Variants in ZNF705G observed in about 807,000 individuals in gnomAD.
ZNF705G encodes zinc finger protein 705G.
Under a neutral mutation model 19.6 loss-of-function variants are expected in ZNF705G, and 23 were observed. The observed-to-expected ratio is 1.17, with a 90% CI of 0.84 to 1.66. The LOEUF (loss-of-function observed/expected upper bound fraction) is 1.66, where lower values mean the gene tolerates loss of function less well. Among genes scored for constraint, ZNF705G ranks in the 40% most tolerant of loss-of-function variants. The pLI is 0.00. For missense variants in ZNF705G, 457 were observed against 354.4 expected (o/e 1.29, Z -2.32); for synonymous variants, 146 against 117.7 (o/e 1.24, Z -1.56).
intron 2 of ZNF705G, among the ~76,000 whole-genome samples, chr8:7,364,683 C>T (rs1473395322): frequency 3.3e-5 from 5 of 149,638 alleles, no homozygotes; most frequent in Non-Finnish European, 7.4e-5. Flanking sequence ...ATTTTTACTG[C>T]CACATTTAAT....
rs544609270 is a variant in ZNF705G at position 7,382,205 on chromosome 8, G to A, written c.-221-604C>T. Among the ~76,000 whole-genome samples, 19 of 150,412 alleles carry A rather than the reference G, an allele frequency of 1.3e-4. No homozygotes were observed. The East Asian group carries it at 2.1e-3, about 17-fold the overall frequency. On this transcript the variant is annotated intron_variant, in intron 1 of 6. Coordinates refer to ENST00000400156, the MANE Select transcript of ZNF705G (RefSeq NM_001164457.3). ...TAAAAAGAAGAAGAACAACAACAAC[G>A]ACAACAATTCATCTAGAGAGAAAAA...
intron 2 of ZNF705G, among the ~76,000 whole-genome samples, chr8:7,380,793 G>T (rs1224515575): frequency 6.9e-5 from 10 of 145,750 alleles, no homozygotes; most frequent in Admixed American, 1.3e-4. Context: ...GCTGAGGGGG[G>T]CAGATCACCC....
chr8:7,363,194 ATGAC>A (rs1159139447), intron 2 of ZNF705G, among the ~76,000 whole-genome samples, 177 bp from the exon 3 acceptor site: 1 of 149,186 alleles, frequency 6.7e-6, no homozygotes, highest in Non-Finnish European at 1.5e-5. Flanking sequence ...TAAGAAGCCT[ATGAC>A]TATGGTTGCT....
chr8:7,370,773 T>C (rs1285540849), intron 2 of ZNF705G, among the ~76,000 whole-genome samples: 1 of 121,670 alleles, frequency 8.2e-6, no homozygotes, highest in Non-Finnish European at 1.7e-5. Context: ...CATATGTTCA[T>C]TGCAGCACTA....
At chr8:7,364,612 G>A (rs1452597389) in intron 2 of ZNF705G, among the ~76,000 whole-genome samples, 5 of 149,480 alleles carry the variant, frequency 3.3e-5, no homozygotes, top group South Asian at 2.1e-4. Context: ...CCTAACCAAC[G>A]TTCTCTATGA....
intron 2 of ZNF705G, among the ~76,000 whole-genome samples, chr8:7,367,489 G>C (rs936204351): frequency 4.0e-5 from 6 of 149,440 alleles, no homozygotes; most frequent in Admixed American, 2.0e-4. Context: ...GAAAAGGAAA[G>C]AAAGCTTCAG....
chr8:7,367,128 G>A (rs1187966850), intron 2 of ZNF705G, among the ~76,000 whole-genome samples: 2 of 149,474 alleles, frequency 1.3e-5, no homozygotes, highest in South Asian at 2.1e-4. Context: ...ATGAGAATGT[G>A]AAGTAACAAT....
intron 2 of ZNF705G, among the ~76,000 whole-genome samples, chr8:7,367,084 A>G (rs1195256667): frequency 6.7e-6 from 1 of 149,782 alleles, no homozygotes; most frequent in Non-Finnish European, 1.5e-5. Context: ...TCAAAACAAA[A>G]ATGGAAAAGG....
Position 7,358,313 on chromosome 8 carries a change from C to G in ZNF705G, c.566G>C (p.Arg189Pro), listed in dbSNP as rs368734373. The G allele has an allele frequency of 1.2e-3, 1,914 of 1,607,250 alleles. 2 individuals are homozygous for G. In the Middle Eastern group the frequency reaches 0.013, roughly 11 times the overall value. ...CTCTCCAGTGTGAGTCATCTTGTGC[C>G]GTCTAAGGTGAAAGCAATTAGTATA... Reference protein sequence around the residue: ...KAYTNCFHLRRHKMTHTGERP... With the variant: ...KAYTNCFHLRPHKMTHTGERP... Residue 189 changes from arginine (R) to proline (P), a missense_variant, in exon 7 of 7, where the codon CGG becomes CCG. Physicochemically the swap from Arg to Pro is moderately radical, Grantham distance 103. Transcript: ENST00000400156.
chr8:7,376,717 A>G (rs1250775341), intron 2 of ZNF705G, among the ~76,000 whole-genome samples: 2 of 150,256 alleles, frequency 1.3e-5, no homozygotes, highest in Non-Finnish European at 2.9e-5. Flanking sequence ...TCAGGGTGTA[A>G]CAAGTAATGG....
intron 1 of ZNF705G, among the ~76,000 whole-genome samples, chr8:7,383,119 T>C (rs1807573785): frequency 1.4e-5 from 2 of 141,422 alleles, no homozygotes; most frequent in African/African-American, 2.9e-5. Context: ...TTGAGTTCAA[T>C]GTTTGATTTT....
rs201738309 is a variant in ZNF705G at position 7,370,054 on chromosome 8, A to T, written c.-71-7037T>A. On this transcript the variant is annotated intron_variant, in intron 2 of 6. Transcript: ENST00000400156. ...TAAAATAAAAGTTGAATTTTTTTTT[A>T]AAATGGGCAAAGATCTGGCTAACAC... is the stretch of plus-strand genomic sequence containing the variant. Among the ~76,000 whole-genome samples the T allele has an allele frequency of 5.2e-4, 69 of 133,026 alleles. 1 individual carries two copies. The highest frequency in any genetic ancestry group is 3.9e-3 in the Middle Eastern group (1 of 256). 87.3% of individuals were successfully genotyped at this position (133,026 alleles called of 152,430 possible). A position where few individuals can be genotyped will look rare whatever the true frequency, so the allele number is the denominator to read the frequency against.
At position 7,375,372 on chromosome 8, in the gene ZNF705G, G is replaced by A. The variant is rs1182997976; in HGVS notation, c.-72+6080C>T. 3.2e-5 allele frequency among the ~76,000 whole-genome samples: 3 copies of A among 93,236 alleles called. 1 individual carries two copies. Among genetic ancestry groups the A allele is most frequent in the African/African-American group, 5.0e-5 (1 of 20,030 alleles). The allele number at this position is 93,236 out of a possible 152,430, so 61.2% of individuals were successfully genotyped here. A position where few individuals can be genotyped will look rare whatever the true frequency, so the allele number is the denominator to read the frequency against. ...AAGGACACAATTTTGTTCTTTTTAT[G>A]GATGCATAGTATTCCGTGACATATA... On this transcript the variant is annotated intron_variant, in intron 2 of 6. Coordinates refer to ENST00000400156, the MANE Select transcript of ZNF705G (RefSeq NM_001164457.3).
Position 7,358,268 on chromosome 8 carries a change from A to C in ZNF705G, c.611T>G (p.Leu204Arg), listed in dbSNP as rs758069778. The C allele has an allele frequency of 6.2e-7, 1 of 1,607,570 alleles. No individual in the cohort carries two copies. The highest frequency in any genetic ancestry group is 1.4e-5 in the African/African-American group (1 of 71,238). Reference sequence around the variant, plus strand: ...ACACTGAGTGAAGGCTTTTCTACATAGATGACATGCATATGGCCTCTCTCC... The same window carrying C: ...ACACTGAGTGAAGGCTTTTCTACATCGATGACATGCATATGGCCTCTCTCC... ...HTGERPYACHLCRKAFTQCSH... is the reference protein window; with the variant it reads ...HTGERPYACHRCRKAFTQCSH... Residue 204 changes from leucine to arginine, a missense_variant, in exon 7 of 7, where the codon CTA becomes CGA. By Grantham distance (102) the Leu-to-Arg change is moderately radical. Coordinates refer to ENST00000400156, the MANE Select transcript of ZNF705G (RefSeq NM_001164457.3).
At chr8:7,358,661 C>A in intron 6 of ZNF705G, 101 bp from the exon 7 acceptor site, 1 of 1,535,362 alleles carries the variant, frequency 6.5e-7, no homozygotes. Flanking sequence ...AGTGGTAGAC[C>A]CCAGTTGAAA....
At chr8:7,365,161 G>A (rs1443283981) in intron 2 of ZNF705G, among the ~76,000 whole-genome samples, 5 of 149,528 alleles carry the variant, frequency 3.3e-5, no homozygotes, top group Admixed American at 2.6e-4. Context: ...ATTTCAAGAT[G>A]TAGAGATTAA....
chr8:7,370,331 G>A (rs1446317247), intron 2 of ZNF705G, among the ~76,000 whole-genome samples: 6 of 147,992 alleles, frequency 4.1e-5, no homozygotes, highest in Non-Finnish European at 8.8e-5. Context: ...GATACAAATG[G>A]CCAACAAATA....
Position 7,358,172 on chromosome 8 carries a change from A to C in ZNF705G, c.707T>G (p.Val236Gly). 6.2e-7 allele frequency: 1 copy of C among 1,605,376 alleles called. No individual in the cohort carries two copies. Among genetic ancestry groups the C allele is most frequent in the Non-Finnish European group, 8.5e-7 (1 of 1,178,808 alleles). Residue 236 changes from valine (V) to glycine (G), a missense_variant, in exon 7 of 7, where the codon GTC becomes GGC. Physicochemically the swap from Val to Gly is moderately radical, Grantham distance 109. Coordinates refer to ENST00000400156, the MANE Select transcript of ZNF705G (RefSeq NM_001164457.3). ...TTGAAGGTTAAAGGATTGAATAAAG[A>C]CTTTCCCATATTGATGACACTTATA... ...RPYKCHQYGK[V>G]FIQSFNLQRH...
At chr8:7,364,412 G>A (rs1806761065) in intron 2 of ZNF705G, among the ~76,000 whole-genome samples, 1 of 149,704 alleles carries the variant, frequency 6.7e-6, no homozygotes, top group African/African-American at 2.6e-5. Context: ...TGTGCTTACA[G>A]ATGTACATAT....
Sources: allele counts gnomAD v4.1 joint callset (sites outside exome capture counted in the v4.1 genomes callset), GRCh38; gene constraint gnomAD v4.1.1; transcripts MANE v1.5; gene names NCBI Gene and HGNC (gene_info 2026-07-23, HGNC 2026-07-21).